Variants in RAI1 observed in about 807,000 individuals in gnomAD.
The protein encoded by RAI1 is retinoic acid induced 1.
A neutral mutation model predicts 123.8 loss-of-function variants in RAI1; 9 were observed. The ratio of observed to expected loss-of-function variants is 0.07; its 90% CI spans 0.04 to 0.13. RAI1 has a LOEUF of 0.13. RAI1 is among the 10% of genes least tolerant of loss of function. The probability of loss-of-function intolerance (pLI) is 1.00; values close to 1 mark genes in which losing one functional copy is unlikely to be tolerated. For missense variants in RAI1, 2,256 were observed against 2,545.8 expected (o/e 0.89, Z 2.45); for synonymous variants, 1,231 against 1,127.3 (o/e 1.09, Z -1.84).
At chr17:17,751,761 C>T (rs2030180886) in intron 2 of RAI1, among the ~76,000 whole-genome samples, 1 of 152,188 alleles carries the variant, frequency 6.6e-6, no homozygotes, top group African/African-American at 2.4e-5. Context: ...AATTACCTCT[C>T]TTGATGAGGC....
chr17:17,793,779 C>CCTGCAGCAGCAGCAGCAGCAG lies in RAI1; in HGVS notation c.832_833insTGCAGCAGCAGCAGCAGCAGC (p.Asp277_Gln278insLeuGlnGlnGlnGlnGlnGln). 1 of 1,357,286 alleles carries CCTGCAGCAGCAGCAGCAGCAG rather than the reference C, an allele frequency of 7.4e-7. No individual in the cohort carries two copies. The highest frequency in any genetic ancestry group is 9.5e-7 in the Non-Finnish European group (1 of 1,055,510). 84.1% of individuals were successfully genotyped at this position (1,357,286 alleles called of 1,614,324 possible). On this transcript the variant is annotated inframe_insertion, in exon 3 of 6. Transcript: ENST00000353383. ...ACCAGTCGGGCCGCCTCAGCTATGA[C>CCTGCAGCAGCAGCAGCAGCAG]CAGCAGCAGCAGCAGCAGCAGCAGC...
chr17:17,739,415 A>C (rs1434591179), intron 2 of RAI1, among the ~76,000 whole-genome samples: 1 of 152,220 alleles, frequency 6.6e-6, no homozygotes, highest in Non-Finnish European at 1.5e-5. Flanking sequence ...CCATTTGCTT[A>C]GCAGCCCTGA....
intron 2 of RAI1, among the ~76,000 whole-genome samples, chr17:17,769,578 C>T (rs946769437): frequency 6.6e-6 from 1 of 152,204 alleles, no homozygotes; most frequent in Non-Finnish European, 1.5e-5. Context: ...CGAGGAGATC[C>T]CGCTGGCAGC....
chr17:17,799,818 C>T lies in RAI1; in HGVS notation c.5565+1305C>T, dbSNP rs1238523022. Among the ~76,000 whole-genome samples, 5 of 152,186 alleles carry T rather than the reference C, an allele frequency of 3.3e-5. No homozygotes were observed. The highest frequency in any genetic ancestry group is 2.6e-4 in the Admixed American group (4 of 15,286). On this transcript the variant is annotated intron_variant, in intron 3 of 5. Coordinates refer to ENST00000353383, the MANE Select transcript of RAI1 (RefSeq NM_030665.4). This position sits in a 1 kb window ranked among gnomAD's most constrained non-coding sequence, Gnocchi z 4.5. ...GTCGCTGCACTGCCCACCTGCTCCT[C>T]GCAGTACACCCCTGCAGCCCCTCTG...
At position 17,795,981 on chromosome 17, in the gene RAI1, G is replaced by T; in HGVS notation, c.3033G>T (p.Glu1011Asp). Residue 1011 changes from glutamate (E) to aspartate (D), a missense_variant, in exon 3 of 6, where the codon GAG becomes GAT. Transcript: ENST00000353383. The surrounding 1 kb of genome is among the most constrained non-coding windows in gnomAD (Gnocchi z 5.9). ...TGCACCGGGGGCTGCCCGAGGCCGAGGACTCCCCATGCAGGGCACCAGTGC... is the reference window on the plus strand; with the variant it reads ...TGCACCGGGGGCTGCCCGAGGCCGATGACTCCCCATGCAGGGCACCAGTGC... ...RRVHRGLPEA[E>D]DSPCRAPVLP... 3.7e-6 allele frequency: 6 copies of T among 1,601,170 alleles called. No individual in the cohort carries two copies. The highest frequency in any genetic ancestry group is 5.1e-6 in the Non-Finnish European group (6 of 1,175,994).
In RAI1 at chr17:17,795,962, G is replaced by C; in HGVS notation, c.3014G>C (p.Arg1005Pro). Residue 1005 changes from arginine to proline, a missense_variant, in exon 3 of 6, where the codon CGG becomes CCG. Physicochemically the swap from Arg to Pro is moderately radical, Grantham distance 103. Around this residue, in one of 7 missense-constraint regions of RAI1, gnomAD observed 566 missense variants for 616.0 expected, o/e 0.92. Coordinates refer to ENST00000353383, the MANE Select transcript of RAI1 (RefSeq NM_030665.4). The surrounding 1 kb of genome is among the most constrained non-coding windows in gnomAD (Gnocchi z 5.9). ...AGCTTACGGAGCCGTCGGGTGCACC[G>C]GGGGCTGCCCGAGGCCGAGGACTCC... ...GKSLRSRRVH[R>P]GLPEAEDSPC... 1 of 1,603,642 alleles carries C rather than the reference G, an allele frequency of 6.2e-7. No individual in the cohort carries two copies. Among genetic ancestry groups the C allele is most frequent in the Non-Finnish European group, 8.5e-7 (1 of 1,177,480 alleles).
rs980403488 is a variant in RAI1, at chr17:17,798,138, G to A, written c.5190G>A (p.Glu1730=). The change falls in exon 3 of 6, where the codon GAG becomes GAA. Residue 1730 remains glutamate (E), a synonymous_variant. Coordinates refer to ENST00000353383, the MANE Select transcript of RAI1 (RefSeq NM_030665.4). ...AGGTGCGGCCAGAAGGCACCTGTGA[G>A]GAGGCCTCGCTGCCGCTTGAGAGAA... ...KEKVRPEGTC[E]EASLPLERTL... The A allele has an allele frequency of 1.7e-5, 28 of 1,613,600 alleles. No homozygotes were observed. Among genetic ancestry groups the A allele is most frequent in the Non-Finnish European group, 2.2e-5 (26 of 1,180,054 alleles).
intron 2 of RAI1, among the ~76,000 whole-genome samples, chr17:17,767,608 GAAAAA>G (rs1222823629): frequency 6.6e-6 from 1 of 152,042 alleles, no homozygotes; most frequent in Non-Finnish European, 1.5e-5. Flanking sequence ...TGGCAGGTCA[GAAAAA>G]AAATGTCTTT....
intron 2 of RAI1, among the ~76,000 whole-genome samples, chr17:17,771,606 G>A (rs2031160821): frequency 6.6e-6 from 1 of 152,178 alleles, no homozygotes; most frequent in Non-Finnish European, 1.5e-5. Context: ...ATTGCTGGGG[G>A]CTCCCTGCTC....
At chr17:17,715,111 G>A (rs1480926248) in intron 1 of RAI1, among the ~76,000 whole-genome samples, 3 of 152,376 alleles carry the variant, frequency 2.0e-5, no homozygotes, top group South Asian at 4.1e-4. Flanking sequence ...GAATTGCACT[G>A]GGGGTGAGCA....
intron 1 of RAI1, among the ~76,000 whole-genome samples, chr17:17,713,612 G>C (rs576465638): frequency 6.6e-6 from 1 of 152,176 alleles, no homozygotes; most frequent in African/African-American, 2.4e-5. Context: ...CTGTACTGCA[G>C]CCTGGGCAAC....
At chr17:17,761,010 A>T (rs998270660) in intron 2 of RAI1, among the ~76,000 whole-genome samples, 2 of 152,180 alleles carry the variant, frequency 1.3e-5, no homozygotes, top group Non-Finnish European at 2.9e-5. Context: ...ATTCACAGTG[A>T]AAGTGTTTTG....
In RAI1 at chr17:17,765,486, CAT is replaced by C. The variant is rs77254289; in HGVS notation, c.-16-27446_-16-27445del. On this transcript the variant is annotated intron_variant, in intron 2 of 5. Coordinates refer to ENST00000353383, the MANE Select transcript of RAI1 (RefSeq NM_030665.4). ...AATCGTGTAAAGCAAGGCCCAGACA[CAT>C]GAGGCTGAGTGTGCAGCCCCAAACG... 2.6e-5 allele frequency among the ~76,000 whole-genome samples: 4 copies of C among 152,264 alleles called. No homozygotes were observed. The East Asian group carries it at 5.8e-4, about 22-fold the overall frequency.
chr17:17,759,455 T>A (rs1288291799), intron 2 of RAI1: 2 of 152,204 alleles, frequency 1.3e-5, no homozygotes, highest in East Asian at 3.8e-4. Context: ...AAAATAATGT[T>A]TCCCTGCAGT....
chr17:17,725,296 T>A (rs1916047569), intron 2 of RAI1, among the ~76,000 whole-genome samples: 1 of 151,968 alleles, frequency 6.6e-6, no homozygotes, highest in Non-Finnish European at 1.5e-5. Context: ...CTGAAAGAGG[T>A]GATCCCGAGG....
intron 2 of RAI1, among the ~76,000 whole-genome samples, chr17:17,754,532 A>G (rs529410179): frequency 1.3e-5 from 2 of 152,236 alleles, no homozygotes; most frequent in East Asian, 3.9e-4. Context: ...CACTGCGCCC[A>G]GCCTCCCTAA....
intron 2 of RAI1, among the ~76,000 whole-genome samples, chr17:17,740,113 G>A (rs111294173): frequency 2.0e-5 from 3 of 152,220 alleles, no homozygotes; most frequent in Admixed American, 6.5e-5. Context: ...GTGTTCACCC[G>A]CATGGGGTAA....
In RAI1 at chr17:17,809,341, G is replaced by A; in HGVS notation, c.5660-49G>A. The A allele has an allele frequency of 2.6e-6, 4 of 1,531,900 alleles. No individual in the cohort carries two copies. The highest frequency in any genetic ancestry group is 3.6e-6 in the Non-Finnish European group (4 of 1,105,694). 94.9% of individuals were successfully genotyped at this position (1,531,900 alleles called of 1,614,324 possible). A position where few individuals can be genotyped will look rare whatever the true frequency, so the allele number is the denominator to read the frequency against. Reference sequence around the variant, plus strand: ...TGGCTGCAGACAAAACCCCACAGCTGTGGGGCCCCCACCCTGTCCTAACCA... The same window carrying A: ...TGGCTGCAGACAAAACCCCACAGCTATGGGGCCCCCACCCTGTCCTAACCA... On this transcript the variant is annotated intron_variant, in intron 4 of 5. Coordinates refer to ENST00000353383, the MANE Select transcript of RAI1 (RefSeq NM_030665.4). The surrounding 1 kb of genome is among the most constrained non-coding windows in gnomAD (Gnocchi z 4.9).
At position 17,767,107 on chromosome 17, in the gene RAI1, C is replaced by G. The variant is rs377191531; in HGVS notation, c.-16-25826C>G. 4.1e-3 allele frequency among the ~76,000 whole-genome samples: 620 copies of G among 152,264 alleles called. 5 individuals carry two copies. The highest frequency in any genetic ancestry group is 0.014 in the African/African-American group (584 of 41,560). ...TCAACTCCCAGCTCCAGGAACCCCC[C>G]ACAGCCCTTTGCTGGGGTGCACACC... On this transcript the variant is annotated intron_variant, in intron 2 of 5. Coordinates refer to ENST00000353383, the MANE Select transcript of RAI1 (RefSeq NM_030665.4).
Sources: gnomAD v4.1 joint callset for allele counts (sites outside exome capture counted in the v4.1 genomes callset) on GRCh38, gnomAD v4.1.1 for gene constraint, gnomAD v4.1.1 regional missense constraint, Gnocchi (gnomAD v3.1) non-coding constraint, MANE v1.5 for transcripts, NCBI Gene and HGNC (gene_info 2026-07-23, HGNC 2026-07-21) for gene names.